Variants in KCNH8 observed in about 807,000 individuals in gnomAD.
KCNH8 encodes voltage-gated delayed rectifier potassium channel KCNH8.
Under a neutral mutation model 103.6 loss-of-function variants are expected in KCNH8, and 70 were observed. The ratio of observed to expected loss-of-function variants is 0.68; its 90% CI spans 0.56 to 0.82. The LOEUF is 0.82. Among genes scored for constraint, KCNH8 ranks in the 40% least tolerant of loss-of-function variants. KCNH8 has a pLI of 0.00. For missense variants in KCNH8, 1,217 were observed against 1,329.9 expected, an observed-to-expected ratio of 0.92 and a Z score of 1.32; for synonymous variants, 498 against 489.4, an observed-to-expected ratio of 1.02 and a Z score of -0.23.
At chr3:19,167,316 G>A (rs1187060272) in intron 1 of KCNH8, among the ~76,000 whole-genome samples, 1 of 152,182 alleles carries the variant, frequency 6.6e-6, no homozygotes, top group African/African-American at 2.4e-5. Flanking sequence ...TTGAAGCAAT[G>A]TTGGTTTTGC....
chr3:19,439,625 C>T (rs1006569070), intron 8 of KCNH8, among the ~76,000 whole-genome samples: 39 of 152,194 alleles, frequency 2.6e-4, no homozygotes, highest in African/African-American at 8.7e-4. Flanking sequence ...AAGAATCACA[C>T]GGACCATTCA....
intron 1 of KCNH8, among the ~76,000 whole-genome samples, chr3:19,174,460 A>C (rs749145037): frequency 6.6e-6 from 1 of 152,220 alleles, no homozygotes; most frequent in Non-Finnish European, 1.5e-5. Flanking sequence ...GGAAAAATAA[A>C]TAGAATGGGG....
intron 11 of KCNH8, among the ~76,000 whole-genome samples, chr3:19,500,128 G>A (rs2068544278): frequency 6.6e-6 from 1 of 152,128 alleles, no homozygotes; most frequent in East Asian, 1.9e-4. Context: ...AAAAAGGCAG[G>A]GGTTGCAATC....
At chr3:19,485,453 G>C (rs1316475130) in intron 11 of KCNH8, among the ~76,000 whole-genome samples, 1 of 152,156 alleles carries the variant, frequency 6.6e-6, no homozygotes, top group Non-Finnish European at 1.5e-5. Flanking sequence ...CTTTGGCAAG[G>C]GCTGGCAAAT....
At chr3:19,225,192 G>C (rs1223766908) in intron 1 of KCNH8, among the ~76,000 whole-genome samples, 1 of 151,830 alleles carries the variant, frequency 6.6e-6, no homozygotes, top group South Asian at 2.1e-4. Context: ...AGATATAATA[G>C]AGTAGCAAAA....
chr3:19,296,973 A>T (rs1445612606), intron 3 of KCNH8, among the ~76,000 whole-genome samples: 1 of 152,166 alleles, frequency 6.6e-6, no homozygotes, highest in African/African-American at 2.4e-5. Context: ...TATCAGATAC[A>T]ATATATATTA....
rs544719536 is a variant in KCNH8, at chr3:19,505,120, C to T, written c.2041-5243C>T. On this transcript the variant is annotated intron_variant, in intron 11 of 15. Transcript: ENST00000328405. Reference sequence around the variant, plus strand: ...ACACACACACCATGGAATACTACACCGCTGTAAAAGAGAATGAGATCATGT... The same window carrying T: ...ACACACACACCATGGAATACTACACTGCTGTAAAAGAGAATGAGATCATGT... Among the ~76,000 whole-genome samples, 7 of 151,294 alleles carry T rather than the reference C, an allele frequency of 4.6e-5. No homozygotes were observed. In the South Asian group the frequency reaches 1.1e-3, roughly 23 times the overall value.
intron 10 of KCNH8, among the ~76,000 whole-genome samples, chr3:19,452,033 G>A (rs1192605590): frequency 6.6e-6 from 1 of 152,102 alleles, no homozygotes; most frequent in Non-Finnish European, 1.5e-5. Context: ...TGACAAAAAT[G>A]GCATGCAGAG....
chr3:19,259,804 C>T (rs2064404900), intron 2 of KCNH8, among the ~76,000 whole-genome samples: 2 of 151,718 alleles, frequency 1.3e-5, no homozygotes, highest in Admixed American at 6.6e-5. Context: ...CACACACACA[C>T]ACTTGTTACA....
Position 19,161,609 on chromosome 3 carries a change from G to A in KCNH8, c.76+12814G>A, listed in dbSNP as rs150316278. On this transcript the variant is annotated intron_variant, in intron 1 of 15. Transcript: ENST00000328405. The stretch of plus-strand genomic sequence containing the variant: ...ATTGAAGTAAAACTTTTCAAAGTTC[G>A]TTCTGTAGGTGAATTATATTTCTCT... Among the ~76,000 whole-genome samples, 99 of 152,202 alleles carry A rather than the reference G, an allele frequency of 6.5e-4. No homozygotes were observed. The South Asian group carries it at 9.1e-3, about 14-fold the overall frequency.
At chr3:19,215,400 G>T (rs908288118) in intron 1 of KCNH8, among the ~76,000 whole-genome samples, 3 of 152,196 alleles carry the variant, frequency 2.0e-5, no homozygotes, top group Admixed American at 6.5e-5. Flanking sequence ...AGAACCATGA[G>T]GACCTAGATT....
chr3:19,174,432 G>A (rs2063378380), intron 1 of KCNH8, among the ~76,000 whole-genome samples: 1 of 152,110 alleles, frequency 6.6e-6, no homozygotes, highest in Non-Finnish European at 1.5e-5. Context: ...TTAGTATTCT[G>A]TCTATCTTTA....
intron 1 of KCNH8, among the ~76,000 whole-genome samples, chr3:19,226,871 A>G (rs2063938312): frequency 6.6e-6 from 1 of 152,140 alleles, no homozygotes; most frequent in South Asian, 2.1e-4. Flanking sequence ...ACACCCATAT[A>G]CATTAGATCT....
intron 5 of KCNH8, among the ~76,000 whole-genome samples, chr3:19,375,606 CGTCAAAGTCAT>C (rs2066182316): frequency 6.6e-6 from 1 of 151,928 alleles, no homozygotes; most frequent in Non-Finnish European, 1.5e-5. Flanking sequence ...TCTCTCAGCT[CGTCAAAGTCAT>C]TCTCCATCCA....
chr3:19,175,334 G>A (rs1001661242), intron 1 of KCNH8, among the ~76,000 whole-genome samples: 21 of 150,052 alleles, frequency 1.4e-4, no homozygotes, highest in Non-Finnish European at 3.0e-4. Context: ...CCATTCTCCT[G>A]CCTCAGCCTC....
At chr3:19,334,034 T>C (rs2065547875) in intron 3 of KCNH8, among the ~76,000 whole-genome samples, 2 of 152,172 alleles carry the variant, frequency 1.3e-5, no homozygotes, top group Non-Finnish European at 1.5e-5. Context: ...TTATAAGATA[T>C]TTGCTGACTC....
chr3:19,210,111 A>G (rs2063755749), intron 1 of KCNH8, among the ~76,000 whole-genome samples: 1 of 152,076 alleles, frequency 6.6e-6, no homozygotes, highest in East Asian at 1.9e-4. Context: ...TTCCCATTCT[A>G]ATAAAAGGTT....
intron 1 of KCNH8, among the ~76,000 whole-genome samples, chr3:19,203,902 C>T (rs1463079038): frequency 6.6e-6 from 1 of 151,838 alleles, no homozygotes; most frequent in African/African-American, 2.4e-5. Context: ...GTTTATTGTT[C>T]AGATAAGATT....
At chr3:19,342,132 AT>A (rs1004197941) in intron 3 of KCNH8, among the ~76,000 whole-genome samples, 2 of 152,136 alleles carry the variant, frequency 1.3e-5, no homozygotes, top group African/African-American at 4.8e-5. Context: ...ATTTACAAGT[AT>A]TTTAATGTGA....
Sources: allele counts gnomAD v4.1 joint callset (sites outside exome capture counted in the v4.1 genomes callset), GRCh38; gene constraint gnomAD v4.1.1; transcripts MANE v1.5; gene names NCBI Gene and HGNC (gene_info 2026-07-23, HGNC 2026-07-21).